OPA3: variants seen among roughly 807,000 people sequenced by gnomAD.
OPA3 encodes outer mitochondrial membrane lipid metabolism regulator OPA3.
Under a neutral mutation model 4.0 loss-of-function variants are expected in OPA3, and 6 were observed. The ratio of observed to expected loss-of-function variants is 1.51; its 90% confidence interval spans 0.83 to 2.99. The LOEUF is 2.99. OPA3 is among the 30% of genes most tolerant of loss of function. The pLI, the probability that OPA3 is intolerant of heterozygous loss-of-function variation, is 0.00. For missense variants in OPA3, 235 were observed against 256.2 expected (o/e 0.92, Z 0.56); for synonymous variants, 105 against 117.1 (o/e 0.90, Z 0.67).
At chr19:45,534,044 G>C (rs1026017551) in intron 1 of OPA3, among the ~76,000 whole-genome samples, 1 of 152,192 alleles carries the variant, frequency 6.6e-6, no homozygotes, top group Non-Finnish European at 1.5e-5. Context: ...TTTATAAGAT[G>C]ATATCTTTAC....
chr19:45,571,294 C>T (rs958199299), intron 1 of OPA3, among the ~76,000 whole-genome samples: 2 of 146,440 alleles, frequency 1.4e-5, no homozygotes, highest in East Asian at 2.0e-4. Context: ...CAGGCATGCG[C>T]CACCATGCCC....
At chr19:45,544,493 C>A (rs1052460375), downstream of OPA3, among the ~76,000 whole-genome samples, 3 of 151,736 alleles carry the variant, frequency 2.0e-5, no homozygotes, top group Non-Finnish European at 4.4e-5. Context: ...AACCCCGTCT[C>A]TACTAAAAAT....
chr19:45,529,554 G>T, intron 1 of OPA3: 1 of 1,446,052 alleles, frequency 6.9e-7, no homozygotes, highest in Non-Finnish European at 9.7e-7. Flanking sequence ...CAATGGGGAT[G>T]TGGTCACCAC....
At chr19:45,555,891 C>CA (rs1170879764) in intron 1 of OPA3, among the ~76,000 whole-genome samples, 1 of 152,050 alleles carries the variant, frequency 6.6e-6, no homozygotes, top group Admixed American at 6.6e-5. Flanking sequence ...CTCGGCCTCC[C>CA]AAAGTGCTGG....
At chr19:45,580,343 G>C (rs1430491289) in intron 1 of OPA3, among the ~76,000 whole-genome samples, 8 of 146,088 alleles carry the variant, frequency 5.5e-5, no homozygotes, top group African/African-American at 2.1e-4. Context: ...GCCCAGGCTG[G>C]AGTGCAATGG....
intron 1 of OPA3, among the ~76,000 whole-genome samples, chr19:45,560,615 A>T (rs1471792237): frequency 1.3e-5 from 2 of 151,812 alleles, no homozygotes; most frequent in African/African-American, 4.8e-5. Context: ...CCCTCTACAC[A>T]TCTGTCTCTG....
intron 1 of OPA3, among the ~76,000 whole-genome samples, chr19:45,579,917 A>G (rs2122516236): frequency 6.6e-6 from 1 of 152,082 alleles, no homozygotes; most frequent in South Asian, 2.1e-4. Flanking sequence ...GGGCTAAATG[A>G]CGTACCCAAA....
intron 1 of OPA3, among the ~76,000 whole-genome samples, chr19:45,555,960 T>C (rs1021816415): frequency 3.9e-5 from 6 of 151,980 alleles, no homozygotes; most frequent in Non-Finnish European, 8.8e-5. Flanking sequence ...AACCAGACAT[T>C]GGTAGGCATC....
At chr19:45,580,457 C>T (rs12461646) in intron 1 of OPA3, among the ~76,000 whole-genome samples, 175 of 150,936 alleles carry the variant, frequency 1.2e-3, no homozygotes, top group Admixed American at 2.1e-3. Flanking sequence ...CCACGTCTGG[C>T]TAATTTTGTA....
In OPA3 at chr19:45,551,581, C is replaced by T; in HGVS notation, c.*1933G>A. ...AGAGGGAGCGTGTCCCTGTCAGCACCTTGGTTTCAGACTTCTGGACTCCAG... is the reference window on the plus strand; with the variant it reads ...AGAGGGAGCGTGTCCCTGTCAGCACTTTGGTTTCAGACTTCTGGACTCCAG... On this transcript the variant is annotated 3_prime_UTR_variant, in exon 2 of 2. Transcript: ENST00000263275. The T allele has an allele frequency of 2.3e-6, 1 of 439,946 alleles. No individual in the cohort carries two copies. Among genetic ancestry groups the T allele is most frequent in the Non-Finnish European group, 3.0e-6 (1 of 331,618 alleles). The allele number at this position is 439,946 out of a possible 1,614,324, so 27.3% of individuals were successfully genotyped here.
intron 1 of OPA3, among the ~76,000 whole-genome samples, chr19:45,563,700 C>T (rs759845350): frequency 2.6e-5 from 4 of 151,810 alleles, no homozygotes; most frequent in Non-Finnish European, 5.9e-5. Context: ...GGACTACAGG[C>T]GCACGCCACC....
At chr19:45,567,339 CA>C (rs749982867) in intron 1 of OPA3, among the ~76,000 whole-genome samples, 707 of 60,622 alleles carry the variant, frequency 0.012, 3 homozygotes, top group African/African-American at 0.027. Flanking sequence ...GACCCTGTGT[CA>C]AAAAAAAAAA....
intron 1 of OPA3, among the ~76,000 whole-genome samples, chr19:45,577,186 A>T (rs1311183744): frequency 2.0e-5 from 3 of 152,214 alleles, no homozygotes; most frequent in African/African-American, 7.2e-5. Flanking sequence ...AGGGTGCATC[A>T]TCGATGATTT....
At chr19:45,582,331 T>C (rs1969868637) in intron 1 of OPA3, among the ~76,000 whole-genome samples, 1 of 151,924 alleles carries the variant, frequency 6.6e-6, no homozygotes. Context: ...GCCTAACTTT[T>C]GTATTTTTAG....
At chr19:45,572,795 ATATATCATAC>A (rs1212852547) in intron 1 of OPA3, among the ~76,000 whole-genome samples, 15 of 133,518 alleles carry the variant, frequency 1.1e-4, no homozygotes, top group African/African-American at 3.6e-4. Context: ...ATATAGATAT[ATATATCATAC>A]TATATATATA....
At chr19:45,561,033 C>T (rs1297901595) in intron 1 of OPA3, among the ~76,000 whole-genome samples, 1 of 152,034 alleles carries the variant, frequency 6.6e-6, no homozygotes, top group Admixed American at 6.6e-5. Context: ...GGCTCGGGAG[C>T]TTATGCACAA....
intron 1 of OPA3, among the ~76,000 whole-genome samples, chr19:45,572,265 AAAAT>A (rs1395588017): frequency 3.7e-5 from 5 of 134,288 alleles, no homozygotes; most frequent in African/African-American, 5.3e-5. Context: ...ATAAAAAATA[AAAAT>A]ATATATAGTA....
chr19:45,578,404 TC>T (rs1366056911), intron 1 of OPA3, among the ~76,000 whole-genome samples: 1 of 48,580 alleles, frequency 2.1e-5, no homozygotes, highest in African/African-American at 7.9e-5. Flanking sequence ...GTGCCCGCCC[TC>T]CCCCTCCCCC....
intron 1 of OPA3, among the ~76,000 whole-genome samples, chr19:45,570,464 C>T (rs1488142224): frequency 6.6e-6 from 1 of 152,140 alleles, no homozygotes; most frequent in Non-Finnish European, 1.5e-5. Context: ...GGGCAGATCA[C>T]CTGAGGTCAG....
Sources: gnomAD v4.1 joint callset for allele counts (sites outside exome capture counted in the v4.1 genomes callset) on GRCh38, gnomAD v4.1.1 for gene constraint, MANE v1.5 for transcripts, NCBI Gene and HGNC (gene_info 2026-07-23, HGNC 2026-07-21) for gene names.